The following CPLANE1 variants were observed in gnomAD, a reference collection of about 807,000 sequenced individuals.
CPLANE1 encodes the protein ciliogenesis and planar polarity effector complex subunit 1, also known as ciliogenesis and planar polarity effector 1.
In CPLANE1, 263 loss-of-function variants were observed where a neutral mutation model predicts 362.5. The ratio of observed to expected loss-of-function variants is 0.73; its 90% confidence interval spans 0.66 to 0.80. The LOEUF (loss-of-function observed/expected upper bound fraction) is 0.80. CPLANE1 is among the 30% of genes least tolerant of loss of function. The pLI is 0.00. For synonymous variants in CPLANE1, 1,212 were observed against 1,302.6 expected (o/e 0.93, Z 1.50); for missense variants, 3,461 against 3,793.4 (o/e 0.91, Z 2.30).
At chr5:37,215,557 C>T (rs973947677) in intron 15 of CPLANE1, among the ~76,000 whole-genome samples, 3 of 152,106 alleles carry the variant, frequency 2.0e-5, no homozygotes, top group Middle Eastern at 3.4e-3. Flanking sequence ...TGTTGGTGCT[C>T]CTAACCCCTG....
intron 50 of CPLANE1, among the ~76,000 whole-genome samples, chr5:37,117,023 G>A (rs1038464562): frequency 1.3e-5 from 2 of 152,146 alleles, no homozygotes; most frequent in Non-Finnish European, 1.5e-5. Flanking sequence ...AGAGAAGTTA[G>A]AATATCCACA....
chr5:37,187,287 C>T, intron 23 of CPLANE1, 127 bp downstream of exon 23: 1 of 756,548 alleles, frequency 1.3e-6, no homozygotes, highest in South Asian at 2.4e-5. Context: ...CCTTTTTGAA[C>T]CCACAAGATA....
chr5:37,080,620 A>G, the CPLANE1 span, among the ~76,000 whole-genome samples: 1 of 152,324 alleles, frequency 6.6e-6, no homozygotes, highest in East Asian at 1.9e-4. Context: ...GCAACACTAT[A>G]TGCAATTTGC....
chr5:37,163,401 T>C (rs1777398509), intron 37 of CPLANE1, among the ~76,000 whole-genome samples: 1 of 151,994 alleles, frequency 6.6e-6, no homozygotes, highest in Non-Finnish European at 1.5e-5. Context: ...AGAGTAGAAA[T>C]AATGAATTCA....
At chr5:37,079,944 ATAT>A in the CPLANE1 span, among the ~76,000 whole-genome samples, 3 of 152,264 alleles carry the variant, frequency 2.0e-5, no homozygotes, top group African/African-American at 7.2e-5. Flanking sequence ...TACTAAATAT[ATAT>A]TTATACTTTA....
chr5:37,108,572 A>C (rs1245121259), intron 51 of CPLANE1, 101 bp from the exon 52 acceptor site: 1 of 1,074,678 alleles, frequency 9.3e-7, no homozygotes, highest in African/African-American at 1.6e-5. Flanking sequence ...AGGTAGTCAC[A>C]TTTTAAATAA....
chr5:37,212,251 A>G, intron 16 of CPLANE1: 2 of 1,430,672 alleles, frequency 1.4e-6, no homozygotes, highest in Non-Finnish European at 9.9e-7. Flanking sequence ...ATCCAGCAAG[A>G]CCAGGAGTCG....
chr5:37,177,778 T>C (rs1355806290), intron 29 of CPLANE1, 78 bp from the exon 30 acceptor site: 7 of 1,066,930 alleles, frequency 6.6e-6, no homozygotes, highest in African/African-American at 1.6e-5. Context: ...TTGAGTCTCA[T>C]ATTAGCCACT....
chr5:37,165,492 C>CA, intron 36 of CPLANE1, 47 bp downstream of exon 36: 1 of 1,587,796 alleles, frequency 6.3e-7, no homozygotes, highest in East Asian at 2.2e-5. Context: ...ATACCAAACT[C>CA]AGTGTACATG....
chr5:37,154,793 T>C (rs973683861), intron 41 of CPLANE1, among the ~76,000 whole-genome samples: 2 of 152,174 alleles, frequency 1.3e-5, no homozygotes, highest in Non-Finnish European at 2.9e-5. Context: ...CCCAAATCTA[T>C]ATGGCACTCT....
At position 37,226,497 on chromosome 5, in the gene CPLANE1, T is replaced by G. The variant is rs1260442830; in HGVS notation, c.2098A>C (p.Asn700His). 1 of 1,549,094 alleles carries G rather than the reference T, an allele frequency of 6.5e-7. No homozygotes were observed. The highest frequency in any genetic ancestry group is 2.4e-5 in the East Asian group (1 of 40,850). ...YLLKMVADNL[N>H]GVYILQPEVI... ...TCAGGTTGAAGAATGTATACACCAT[T>G]TAAATTGTCAGCTACCATTTTGAGT... The change falls in exon 12 of 53, where the codon AAT (asparagine) becomes CAT (histidine). Residue 700 changes from asparagine (N) to histidine (H), a missense_variant. Physicochemically the swap from Asn to His is moderately conservative, Grantham distance 68. This residue lies in a region of CPLANE1 where 3,380 missense variants were observed against 3,666.1 expected (regional missense o/e 0.92). Coordinates refer to ENST00000651892, the MANE Select transcript of CPLANE1 (RefSeq NM_001384732.1).
chr5:37,182,893 C>T lies in CPLANE1; in HGVS notation c.5288G>A (p.Gly1763Asp). Reference sequence around the variant, plus strand: ...GTACTCAGAGGATGACTCAGTTATACCAGAATCACAGAGTAGCCTTCTATT... The same window carrying T: ...GTACTCAGAGGATGACTCAGTTATATCAGAATCACAGAGTAGCCTTCTATT... Reference protein sequence around the residue: ...WSNRRLLCDSGITESSSEYSP... With the variant: ...WSNRRLLCDSDITESSSEYSP... Residue 1763 changes from glycine to aspartate, a missense_variant, in exon 26 of 53, where the codon GGT becomes GAT. Physicochemically the swap from Gly to Asp is moderately conservative, Grantham distance 94 (BLOSUM62 -1). Transcript: ENST00000651892. The T allele has an allele frequency of 6.2e-7, 1 of 1,607,756 alleles. No individual in the cohort carries two copies. Among genetic ancestry groups the T allele is most frequent in the Non-Finnish European group, 8.5e-7 (1 of 1,178,130 alleles).
chr5:37,168,368 CTTTT>C (rs1778868537), intron 34 of CPLANE1, among the ~76,000 whole-genome samples: 1 of 152,096 alleles, frequency 6.6e-6, no homozygotes, highest in African/African-American at 2.4e-5. Context: ...TTTTTGCTTT[CTTTT>C]TTGAGTGTTT....
intron 50 of CPLANE1, among the ~76,000 whole-genome samples, chr5:37,116,589 C>T (rs1316910652): frequency 6.7e-6 from 1 of 150,330 alleles, no homozygotes; most frequent in Non-Finnish European, 1.5e-5. Context: ...ACTGCACTCC[C>T]TTCTGGGCGA....
the CPLANE1 span, among the ~76,000 whole-genome samples, chr5:37,095,621 T>C: frequency 2.0e-5 from 3 of 152,142 alleles, no homozygotes; most frequent in African/African-American, 7.2e-5. Context: ...TCCAAATCAG[T>C]AAAGAGGAAG....
rs780671780 is a variant in CPLANE1 at position 37,201,805 on chromosome 5, G to T, written c.3293C>A (p.Pro1098His). 1.4e-5 allele frequency: 22 copies of T among 1,600,368 alleles called. No individual in the cohort carries two copies. In the East Asian group the frequency reaches 4.7e-4, roughly 34 times the overall value. Residue 1098 changes from proline to histidine, a missense_variant, in exon 19 of 53, where the codon CCC (proline) becomes CAC (histidine). Coordinates refer to ENST00000651892, the MANE Select transcript of CPLANE1 (RefSeq NM_001384732.1). ...CAGATTTGCATCTTCCTCTTCAATG[G>T]GATCTATCAAATACAAAAATTTGGT... ...MGSKYKQFTD[P>H]IEEEDANLLF...
At chr5:37,225,448 C>G (rs1005199690) in intron 12 of CPLANE1, among the ~76,000 whole-genome samples, 1 of 151,944 alleles carries the variant, frequency 6.6e-6, no homozygotes, top group African/African-American at 2.4e-5. Context: ...TCGTGTTGCC[C>G]AAGCTAGTCC....
Position 37,173,911 on chromosome 5 carries a change from T to G in CPLANE1, c.6015A>C (p.Ser2005=), listed in dbSNP as rs1247406687. ...CTCCATTTGATATCAGAAGTGGAACTGAGGAAGATTTTTCTTTATATGTAG... is the reference window on the plus strand; with the variant it reads ...CTCCATTTGATATCAGAAGTGGAACGGAGGAAGATTTTTCTTTATATGTAG... ...QISTYKEKSS[S]VPLLISNGVN... is the part of the protein sequence containing the mutation. The change falls in exon 32 of 53, where the codon TCA becomes TCC. Residue 2005 remains serine (S), a synonymous_variant. Coordinates refer to ENST00000651892, the MANE Select transcript of CPLANE1 (RefSeq NM_001384732.1). 2 of 1,614,016 alleles carry G rather than the reference T, an allele frequency of 1.2e-6. No homozygotes were observed. The highest frequency in any genetic ancestry group is 1.7e-6 in the Non-Finnish European group (2 of 1,180,020).
chr5:37,149,192 A>AAT (rs1190234388), intron 42 of CPLANE1, among the ~76,000 whole-genome samples: 8 of 152,268 alleles, frequency 5.3e-5, no homozygotes, highest in African/African-American at 1.9e-4. Context: ...CGCCCAGTGG[A>AAT]TGCCTGAAAC....
Sources: allele counts gnomAD v4.1 joint callset (sites outside exome capture counted in the v4.1 genomes callset), GRCh38; gene constraint gnomAD v4.1.1; regional missense constraint gnomAD v4.1.1; transcripts MANE v1.5; gene names NCBI Gene and HGNC (gene_info 2026-07-23, HGNC 2026-07-21).